The following IGF1R variants were observed in gnomAD, a reference collection of about 807,000 sequenced individuals.
IGF1R encodes insulin like growth factor 1 receptor.
In IGF1R, 44 loss-of-function variants were observed where a neutral mutation model predicts 144.6. The observed-to-expected ratio is 0.30, with a 90% CI of 0.24 to 0.39. IGF1R has a LOEUF of 0.39. Among genes scored for constraint, IGF1R ranks in the 10% least tolerant of loss-of-function variants. The probability of loss-of-function intolerance (pLI) is 1.00; values close to 1 mark genes in which losing one functional copy is unlikely to be tolerated. For synonymous variants in IGF1R, 795 were observed against 722.8 expected (o/e 1.10, Z -1.60); for missense variants, 1,355 against 1,833.7 (o/e 0.74, Z 4.77).
intron 2 of IGF1R, among the ~76,000 whole-genome samples, 159 bp downstream of exon 2, chr15:98,708,266 T>C (rs1436323749): frequency 6.6e-6 from 1 of 152,100 alleles, no homozygotes; most frequent in East Asian, 1.9e-4. Context: ...TGGTTCCCAG[T>C]GGGGGTCTTG....
At chr15:98,737,880 G>C (rs141665013) in intron 2 of IGF1R, among the ~76,000 whole-genome samples, 1 of 152,170 alleles carries the variant, frequency 6.6e-6, no homozygotes, top group Non-Finnish European at 1.5e-5. Flanking sequence ...TGTGCCCTTC[G>C]TGCTGCACTG....
chr15:98,765,378 G>A (rs1265273644), intron 2 of IGF1R, among the ~76,000 whole-genome samples: 1 of 126,924 alleles, frequency 7.9e-6, no homozygotes, highest in Non-Finnish European at 1.6e-5. Context: ...GTGCAGTCTT[G>A]GTTCACTGCA....
intron 2 of IGF1R, among the ~76,000 whole-genome samples, chr15:98,737,232 G>A (rs975750735): frequency 1.3e-5 from 2 of 152,212 alleles, no homozygotes; most frequent in African/African-American, 4.8e-5. Flanking sequence ...GATGGGAACA[G>A]GCGGCAGCTG....
At chr15:98,752,116 A>C (rs888693530) in intron 2 of IGF1R, among the ~76,000 whole-genome samples, 1 of 152,172 alleles carries the variant, frequency 6.6e-6, no homozygotes, top group Admixed American at 6.5e-5. Flanking sequence ...CCTTTCAGAC[A>C]GTTGCTCAGA....
At chr15:98,728,794 G>A (rs190022050) in intron 2 of IGF1R, among the ~76,000 whole-genome samples, 9 of 152,328 alleles carry the variant, frequency 5.9e-5, no homozygotes, top group African/African-American at 2.2e-4. Flanking sequence ...TTCCTCTGGT[G>A]GAGAAGCCAG....
At chr15:98,669,263 A>G (rs2052824581) in intron 1 of IGF1R, among the ~76,000 whole-genome samples, 1 of 152,152 alleles carries the variant, frequency 6.6e-6, no homozygotes, top group Non-Finnish European at 1.5e-5. Context: ...GGTGTTTAGC[A>G]TGCACCTTGA....
chr15:98,681,411 TG>T (rs1405238366), intron 1 of IGF1R, among the ~76,000 whole-genome samples: 1 of 152,188 alleles, frequency 6.6e-6, no homozygotes, highest in Non-Finnish European at 1.5e-5. Flanking sequence ...TCTCGTGCAA[TG>T]GGTGCAGGTA....
At chr15:98,878,693 A>AAAAC (rs1567174382) in intron 2 of IGF1R, among the ~76,000 whole-genome samples, 1 of 126,174 alleles carries the variant, frequency 7.9e-6, no homozygotes, top group Non-Finnish European at 1.6e-5. Flanking sequence ...AAAAAAAAAA[A>AAAAC]AACAACAACA....
intron 2 of IGF1R, among the ~76,000 whole-genome samples, chr15:98,877,443 T>C (rs558293634): frequency 4.4e-4 from 66 of 151,486 alleles, no homozygotes; most frequent in African/African-American, 1.6e-3. Flanking sequence ...GAGATACCTG[T>C]TTCTGCTTCT....
Position 98,891,569 on chromosome 15 carries a change from G to T in IGF1R, c.885G>T (p.Gly295=), listed in dbSNP as rs56303650. The change falls in exon 3 of 21, where the codon GGG becomes GGT. Residue 295 remains glycine (G), a synonymous_variant. Transcript: ENST00000650285. This position sits in a 1 kb window ranked among gnomAD's most constrained non-coding sequence, Gnocchi z 4.7. ...GCGCCGAGAGCAGCGACTCCGAGGGGTTTGTGATCCACGACGGCGAGTGCA... is the reference window on the plus strand; with the variant it reads ...GCGCCGAGAGCAGCGACTCCGAGGGTTTTGTGATCCACGACGGCGAGTGCA... The part of the protein sequence containing the change: ...ILSAESSDSE[G]FVIHDGECMQ... 1.7e-4 allele frequency: 276 copies of T among 1,608,332 alleles called. 1 individual carries two copies. The highest frequency in any genetic ancestry group is 5.5e-4 in the Admixed American group (33 of 60,030).
At chr15:98,909,519 A>C (rs548156432) in intron 6 of IGF1R, among the ~76,000 whole-genome samples, 111 of 152,112 alleles carry the variant, frequency 7.3e-4, no homozygotes, top group African/African-American at 2.6e-3. Context: ...TCAGCCTCCC[A>C]AAGTGCTGGG....
At chr15:98,819,563 T>C (rs533418105) in intron 2 of IGF1R, among the ~76,000 whole-genome samples, 4 of 152,298 alleles carry the variant, frequency 2.6e-5, no homozygotes, top group African/African-American at 7.2e-5. Context: ...TCCCAGACTC[T>C]AGAACTGTAA....
At chr15:98,712,772 G>A (rs2054023420) in intron 2 of IGF1R, among the ~76,000 whole-genome samples, 1 of 151,616 alleles carries the variant, frequency 6.6e-6, no homozygotes, top group Non-Finnish European at 1.5e-5. Flanking sequence ...ACCACACCCA[G>A]CTAATTTTTG....
chr15:98,818,443 G>A (rs1567144113), intron 2 of IGF1R, among the ~76,000 whole-genome samples: 3 of 152,170 alleles, frequency 2.0e-5, no homozygotes. Flanking sequence ...AGGAGGAATA[G>A]TGGAAAAAGC....
chr15:98,852,392 C>G (rs1417146264), intron 2 of IGF1R, among the ~76,000 whole-genome samples: 4 of 152,204 alleles, frequency 2.6e-5, no homozygotes, highest in Non-Finnish European at 5.9e-5. Flanking sequence ...CTACTTTCCA[C>G]TCCGAATAAC....
At chr15:98,865,717 A>G (rs1446719851) in intron 2 of IGF1R, among the ~76,000 whole-genome samples, 1 of 152,212 alleles carries the variant, frequency 6.6e-6, no homozygotes, top group African/African-American at 2.4e-5. Flanking sequence ...TTTCCCTAGC[A>G]GAACGCGGTT....
chr15:98,670,233 A>G (rs1345812380), intron 1 of IGF1R, among the ~76,000 whole-genome samples: 2 of 152,170 alleles, frequency 1.3e-5, no homozygotes, highest in African/African-American at 4.8e-5. Flanking sequence ...ACACTGGGAA[A>G]GAGCCCTGGA....
chr15:98,889,842 C>A (rs539449281), intron 2 of IGF1R, among the ~76,000 whole-genome samples: 7 of 152,274 alleles, frequency 4.6e-5, no homozygotes, highest in African/African-American at 1.7e-4. Flanking sequence ...CTCAATATTG[C>A]ATGTCAGAGT....
At chr15:98,834,401 A>G (rs1464068426) in intron 2 of IGF1R, among the ~76,000 whole-genome samples, 1 of 152,230 alleles carries the variant, frequency 6.6e-6, no homozygotes, top group Admixed American at 6.5e-5. Context: ...AGCTTCAGCA[A>G]TATCATCAGA....
Sources: gnomAD v4.1 joint callset for allele counts (sites outside exome capture counted in the v4.1 genomes callset) on GRCh38, gnomAD v4.1.1 for gene constraint, Gnocchi (gnomAD v3.1) non-coding constraint, MANE v1.5 for transcripts, NCBI Gene and HGNC (gene_info 2026-07-23, HGNC 2026-07-21) for gene names.